The following PALM2AKAP2 variants were observed in gnomAD, a reference collection of about 807,000 sequenced individuals.
PALM2AKAP2 encodes the protein PALM2 and AKAP2 fusion.
Under a neutral mutation model 71.5 loss-of-function variants are expected in PALM2AKAP2, and 37 were observed. That is an observed-to-expected ratio of 0.52 (90% CI 0.40 to 0.68). The LOEUF is 0.68. Ranked by LOEUF, PALM2AKAP2 falls within the 30% of genes least tolerant of loss-of-function variation. The probability of loss-of-function intolerance (pLI) is 0.00; values close to 1 mark genes in which losing one functional copy is unlikely to be tolerated. For synonymous variants in PALM2AKAP2, 468 were observed against 478.8 expected, an observed-to-expected ratio of 0.98 and a Z score of 0.29; for missense variants, 1,224 against 1,191.8, an observed-to-expected ratio of 1.03 and a Z score of -0.40.
intron 1 of PALM2AKAP2, among the ~76,000 whole-genome samples, chr9:109,641,700 C>T (rs923802887): frequency 5.9e-5 from 9 of 152,160 alleles, no homozygotes; most frequent in African/African-American, 2.2e-4. Flanking sequence ...GCTATTAGAT[C>T]CCGCTCACTT....
rs940366610 is a variant in PALM2AKAP2 at position 110,118,473 on chromosome 9, C to T, written c.157-17654C>T. Among the ~76,000 whole-genome samples, 4 of 152,118 alleles carry T rather than the reference C, an allele frequency of 2.6e-5. No homozygotes were observed. The South Asian group carries it at 8.3e-4, about 32-fold the overall frequency. ...ACGTTGGCCAGGCTGGTCTCAAGCT[C>T]CTGTCCTTAAGTGATCTGCTCGCCT... On this transcript the variant is annotated intron_variant, in intron 1 of 3. Coordinates refer to ENST00000374525, the Ensembl canonical transcript of PALM2AKAP2.
intron 6 of PALM2AKAP2, among the ~76,000 whole-genome samples, chr9:109,968,275 C>T (rs900032447): frequency 1.3e-5 from 2 of 152,160 alleles, no homozygotes; most frequent in African/African-American, 2.4e-5. Flanking sequence ...CCTCGCGTAC[C>T]CCATAGGCTG....
chr9:109,880,258 A>G (rs1829815679), intron 2 of PALM2AKAP2, among the ~76,000 whole-genome samples: 1 of 152,234 alleles, frequency 6.6e-6, no homozygotes, highest in Non-Finnish European at 1.5e-5. Flanking sequence ...GATGAGAAAC[A>G]TATGGGAAAA....
At chr9:109,780,644 C>G in intron 1 of PALM2AKAP2, 111 bp downstream of exon 1, 2 of 1,477,374 alleles carry the variant, frequency 1.4e-6, no homozygotes, top group Non-Finnish European at 1.9e-6. Flanking sequence ...GTCATATGTT[C>G]CAGGGGCTAA....
At chr9:110,114,973 C>A (rs979432904) in intron 1 of PALM2AKAP2, among the ~76,000 whole-genome samples, 3 of 152,142 alleles carry the variant, frequency 2.0e-5, no homozygotes, top group Non-Finnish European at 2.9e-5. Context: ...AAGTAAAATA[C>A]CCTCCCACGA....
chr9:109,883,753 C>T (rs1312438033), intron 3 of PALM2AKAP2, among the ~76,000 whole-genome samples: 2 of 152,226 alleles, frequency 1.3e-5, no homozygotes, highest in East Asian at 1.9e-4. Context: ...GAGCACCCTA[C>T]GGTGTTACAA....
intron 1 of PALM2AKAP2, among the ~76,000 whole-genome samples, chr9:109,788,642 C>T (rs986110377): frequency 2.6e-5 from 4 of 152,144 alleles, no homozygotes; most frequent in Admixed American, 1.3e-4. Flanking sequence ...AGATTATGAC[C>T]TGGGTCCTGA....
At chr9:110,154,877 G>T (rs1364925058) in intron 2 of PALM2AKAP2, among the ~76,000 whole-genome samples, 1 of 152,186 alleles carries the variant, frequency 6.6e-6, no homozygotes, top group Non-Finnish European at 1.5e-5. Flanking sequence ...GTTTGAGTTA[G>T]AAGAGACCAC....
intron 1 of PALM2AKAP2, among the ~76,000 whole-genome samples, chr9:109,740,195 T>G (rs892696530): frequency 6.6e-6 from 1 of 152,214 alleles, no homozygotes; most frequent in Admixed American, 6.5e-5. Flanking sequence ...ATTTACTACA[T>G]GCCAGGTACT....
chr9:109,867,494 A>G, exon 2 of PALM2AKAP2: 1 of 1,611,802 alleles, frequency 6.2e-7, no homozygotes, highest in Non-Finnish European at 8.5e-7. Context: ...TTTCAAGGAA[A>G]AAAGAAAGAG....
chr9:110,001,749 C>T (rs185454116), intron 6 of PALM2AKAP2, among the ~76,000 whole-genome samples: 2 of 152,250 alleles, frequency 1.3e-5, no homozygotes, highest in Admixed American at 6.5e-5. Context: ...AAATTGGATT[C>T]CTAAGCATTT....
chr9:110,130,417 G>A (rs16914805), intron 1 of PALM2AKAP2, among the ~76,000 whole-genome samples: 1,775 of 152,288 alleles, frequency 0.012, 16 homozygotes, highest in South Asian at 0.022. Context: ...TGGAGACATA[G>A]GCACCTGTGT....
chr9:110,005,298 T>C (rs1295922436), intron 6 of PALM2AKAP2, among the ~76,000 whole-genome samples: 1 of 152,212 alleles, frequency 6.6e-6, no homozygotes, highest in Non-Finnish European at 1.5e-5. Context: ...CCACTCCAGA[T>C]CCTGTTTGCC....
At chr9:110,084,020 G>T (rs140944969) in intron 1 of PALM2AKAP2, among the ~76,000 whole-genome samples, 1 of 152,216 alleles carries the variant, frequency 6.6e-6, no homozygotes, top group Non-Finnish European at 1.5e-5. Context: ...CCAGCTGACC[G>T]CTGTGCTCCT....
chr9:110,068,645 C>T (rs563142246), intron 1 of PALM2AKAP2, among the ~76,000 whole-genome samples: 2 of 152,230 alleles, frequency 1.3e-5, no homozygotes, highest in African/African-American at 4.8e-5. Context: ...GATCCTCCCA[C>T]CTCAGCCTCC....
At chr9:109,691,572 A>C (rs1037103507) in intron 1 of PALM2AKAP2, among the ~76,000 whole-genome samples, 1 of 151,586 alleles carries the variant, frequency 6.6e-6, no homozygotes, top group Admixed American at 6.6e-5. Context: ...TCTTATATCA[A>C]ATTTGACCTT....
At chr9:109,803,531 T>TC (rs1827491446) in intron 1 of PALM2AKAP2, among the ~76,000 whole-genome samples, 1 of 152,100 alleles carries the variant, frequency 6.6e-6, no homozygotes, top group Admixed American at 6.5e-5. Flanking sequence ...GCATTTATAT[T>TC]CCCCCCTGAG....
intron 1 of PALM2AKAP2, among the ~76,000 whole-genome samples, chr9:109,803,382 G>C (rs1827485876): frequency 6.6e-6 from 1 of 152,154 alleles, no homozygotes; most frequent in Admixed American, 6.5e-5. Flanking sequence ...CTGTTAACCA[G>C]GGTAGGCACC....
chr9:109,772,195 C>T (rs1319572810), intron 1 of PALM2AKAP2, among the ~76,000 whole-genome samples: 3 of 152,214 alleles, frequency 2.0e-5, no homozygotes, highest in Admixed American at 2.0e-4. Flanking sequence ...CGCAGAGGCT[C>T]CTGTGGAAAC....
Sources: gnomAD v4.1 joint callset for allele counts (sites outside exome capture counted in the v4.1 genomes callset) on GRCh38, gnomAD v4.1.1 for gene constraint, MANE v1.5 for transcripts, NCBI Gene and HGNC (gene_info 2026-07-23, HGNC 2026-07-21) for gene names.